GLIPR2: variants seen among roughly 807,000 people sequenced by gnomAD.
GLIPR2 encodes Golgi-associated plant pathogenesis-related protein 1.
A neutral mutation model predicts 20.4 loss-of-function variants in GLIPR2; 21 were observed. That is an observed-to-expected ratio of 1.03 (90% CI 0.73 to 1.48). GLIPR2 has a LOEUF of 1.48. Among genes scored for constraint, GLIPR2 ranks in the 40% most tolerant of loss-of-function variants. The pLI, the probability that GLIPR2 is intolerant of heterozygous loss-of-function variation, is 0.00. For missense variants in GLIPR2, 205 were observed against 200.1 expected, an observed-to-expected ratio of 1.02 and a Z score of -0.15; for synonymous variants, 91 against 80.5, an observed-to-expected ratio of 1.13 and a Z score of -0.70.
chr9:36,145,089 CCCTT>C (rs1347453538), intron 1 of GLIPR2: 2 of 152,282 alleles, frequency 1.3e-5, no homozygotes, highest in Non-Finnish European at 2.9e-5. Flanking sequence ...ATGGTTCACA[CCCTT>C]CCTGCCACTA....
At chr9:36,154,681 A>C (rs10814339) in intron 4 of GLIPR2, among the ~76,000 whole-genome samples, 34,217 of 152,112 alleles carry the variant, frequency 0.22, 3,960 homozygotes, top group Non-Finnish European at 0.27. Flanking sequence ...GTTGCTAAGG[A>C]AGTTGTGTCA....
intron 1 of GLIPR2, among the ~76,000 whole-genome samples, chr9:36,145,819 G>T (rs1825307400): frequency 6.6e-6 from 1 of 152,094 alleles, no homozygotes; most frequent in Non-Finnish European, 1.5e-5. Flanking sequence ...GATGGATGGG[G>T]ATCATTTCAG....
At position 36,162,884 on chromosome 9, in the gene GLIPR2, C is replaced by G. The variant is rs1826121955; in HGVS notation, c.*362C>G. ...TTTTGTATTCCAAATGTTTGTGATG[C>G]TGAGAAGTGAAGTTCATTTTATGTG... On this transcript the variant is annotated 3_prime_UTR_variant, in exon 5 of 5. Coordinates refer to ENST00000377960, the MANE Select transcript of GLIPR2 (RefSeq NM_022343.4). 1 of 464,924 alleles carries G rather than the reference C, an allele frequency of 2.2e-6. No individual in the cohort carries two copies. The highest frequency in any genetic ancestry group is 2.4e-5 in the Admixed American group (1 of 42,520). 28.8% of individuals were successfully genotyped at this position (464,924 alleles called of 1,614,324 possible). A position where few individuals can be genotyped will look rare whatever the true frequency, so the allele number is the denominator to read the frequency against.
At chr9:36,138,845 C>T (rs1213365665) in intron 1 of GLIPR2, among the ~76,000 whole-genome samples, 1 of 152,024 alleles carries the variant, frequency 6.6e-6, no homozygotes, top group Non-Finnish European at 1.5e-5. Flanking sequence ...TGGGAGCCGA[C>T]GAGGGTTCCT....
At chr9:36,152,952 CAAAAAAAAAA>C (rs67296666) in intron 4 of GLIPR2, among the ~76,000 whole-genome samples, 2 of 14,032 alleles carry the variant, frequency 1.4e-4, no homozygotes, top group South Asian at 4.2e-3. Context: ...ACTGAAAGTG[CAAAAAAAAAA>C]AAAAAAAAAA....
Position 36,146,877 on chromosome 9 carries a change from C to T in GLIPR2, c.14-909C>T, listed in dbSNP as rs557824405. Among the ~76,000 whole-genome samples the T allele has an allele frequency of 1.5e-3, 234 of 152,282 alleles. 2 individuals are homozygous for T. The highest frequency in any genetic ancestry group is 5.3e-3 in the African/African-American group (220 of 41,556). On this transcript the variant is annotated intron_variant, in intron 1 of 4. Transcript: ENST00000377960. ...CGTGCTTGCAGCCTTCCCAGGCGGG[C>T]GTTACATGCCGGTAGCTCCACAGTT... is the stretch of plus-strand genomic sequence containing the variant.
chr9:36,159,097 G>T (rs1356011926), intron 4 of GLIPR2, among the ~76,000 whole-genome samples: 1 of 152,156 alleles, frequency 6.6e-6, no homozygotes, highest in African/African-American at 2.4e-5. Flanking sequence ...GTTGAGCAAA[G>T]AATGCATTAC....
At chr9:36,141,820 A>AT (rs34562409) in intron 1 of GLIPR2, 54,863 of 422,692 alleles carry the variant, frequency 0.13, 844 homozygotes, top group South Asian at 0.22. Context: ...CGCATGGCTA[A>AT]TTTTTTTTTT....
chr9:36,141,508 G>A (rs1825078276), intron 1 of GLIPR2, among the ~76,000 whole-genome samples: 1 of 152,206 alleles, frequency 6.6e-6, no homozygotes, highest in Non-Finnish European at 1.5e-5. Context: ...ACAGTCACTG[G>A]CTCTTTCATG....
chr9:36,159,126 C>T (rs1198120163), intron 4 of GLIPR2, among the ~76,000 whole-genome samples: 1 of 152,130 alleles, frequency 6.6e-6, no homozygotes, highest in Non-Finnish European at 1.5e-5. Flanking sequence ...CTCTTTGACT[C>T]CCAAATGGGA....
At chr9:36,141,085 A>G (rs1220186451) in intron 1 of GLIPR2, among the ~76,000 whole-genome samples, 1 of 152,204 alleles carries the variant, frequency 6.6e-6, no homozygotes. Context: ...AATAATAATC[A>G]TTACAGTTGG....
intron 1 of GLIPR2, among the ~76,000 whole-genome samples, chr9:36,144,097 A>G (rs1825214380): frequency 6.6e-6 from 1 of 152,116 alleles, no homozygotes; most frequent in Non-Finnish European, 1.5e-5. Flanking sequence ...CCGTGGCCCA[A>G]GAACCCATGG....
chr9:36,136,835 G>T lies in GLIPR2; in HGVS notation c.13+44G>T, dbSNP rs1824839979. The T allele has an allele frequency of 1.6e-6, 2 of 1,271,838 alleles. No individual in the cohort carries two copies. The highest frequency in any genetic ancestry group is 3.2e-5 in the East Asian group (1 of 31,680). The allele number at this position is 1,271,838 out of a possible 1,614,324, so 78.8% of individuals were successfully genotyped here. ...CCGCTGCGGAATGGTTCGGAACCCC[G>T]CGCTCCCGGACCTCGCCGTCTCCCT... On this transcript the variant is annotated intron_variant, in intron 1 of 4. Transcript: ENST00000377960. This position sits in a 1 kb window ranked among gnomAD's most constrained non-coding sequence, Gnocchi z 4.3.
intron 4 of GLIPR2, among the ~76,000 whole-genome samples, chr9:36,154,561 T>C (rs993661032): frequency 2.0e-5 from 3 of 152,204 alleles, no homozygotes; most frequent in African/African-American, 7.2e-5. Flanking sequence ...TTCAAAGATA[T>C]ATTCTAGGGA....
chr9:36,152,214 C>G (rs1825616797), intron 4 of GLIPR2, among the ~76,000 whole-genome samples: 1 of 152,150 alleles, frequency 6.6e-6, no homozygotes, highest in Non-Finnish European at 1.5e-5. Flanking sequence ...ATAGGTGATT[C>G]TGGGGCAAGG....
chr9:36,161,691 T>A (rs1417767839), intron 4 of GLIPR2, among the ~76,000 whole-genome samples: 1 of 151,886 alleles, frequency 6.6e-6, no homozygotes, highest in East Asian at 1.9e-4. Flanking sequence ...TCCTCAGGTG[T>A]CAAGTAAGAT....
chr9:36,162,185 A>G, intron 4 of GLIPR2, 177 bp from the exon 5 acceptor site: 5 of 1,487,368 alleles, frequency 3.4e-6, no homozygotes, highest in Non-Finnish European at 4.5e-6. Flanking sequence ...GGGGGAAAAA[A>G]AAAGAAGTCA....
In GLIPR2 at chr9:36,136,788, T is replaced by G; in HGVS notation, c.10T>G (p.Ser4Ala). MGK[S>A]ASKQFHNEVL... is the part of the protein sequence containing the mutation. ...GCGCGCGGAGCCGGCCATGGGCAAG[T>G]CAGGTGAGCCCGCGGGCTCGCCCGC... Residue 4 changes from serine to alanine, a missense_variant, in exon 1 of 5, where the codon TCA (serine) becomes GCA (alanine). Physicochemically the swap from Ser to Ala is moderately conservative, Grantham distance 99 (BLOSUM62 1). Transcript: ENST00000377960. The surrounding 1 kb of genome is among the most constrained non-coding windows in gnomAD (Gnocchi z 4.3). 7.7e-7 allele frequency: 1 copy of G among 1,302,110 alleles called. No individual in the cohort carries two copies. The highest frequency in any genetic ancestry group is 9.7e-7 in the Non-Finnish European group (1 of 1,028,272). The allele number at this position is 1,302,110 out of a possible 1,614,324, so 80.7% of individuals were successfully genotyped here. A position where few individuals can be genotyped will look rare whatever the true frequency, so the allele number is the denominator to read the frequency against.
At chr9:36,162,312 G>A in intron 4 of GLIPR2, 50 bp from the exon 5 acceptor site, 1 of 1,600,342 alleles carries the variant, frequency 6.2e-7, no homozygotes, top group Non-Finnish European at 8.5e-7. Flanking sequence ...TCCTTCTTCA[G>A]GCTCTGCTAA....
Sources: gnomAD v4.1 joint callset for allele counts (sites outside exome capture counted in the v4.1 genomes callset) on GRCh38, gnomAD v4.1.1 for gene constraint, Gnocchi (gnomAD v3.1) non-coding constraint, MANE v1.5 for transcripts, NCBI Gene and HGNC (gene_info 2026-07-23, HGNC 2026-07-21) for gene names.